SYNE1: variants seen among roughly 807,000 people sequenced by gnomAD.
SYNE1 encodes the protein spectrin repeat containing nuclear envelope protein 1, also known as nesprin-1.
SYNE1 carries 616 observed loss-of-function variants against 1,111.0 expected under a neutral mutation model. The ratio of observed to expected loss-of-function variants is 0.55; its 90% confidence interval spans 0.52 to 0.59. SYNE1 has a LOEUF of 0.59. Among genes scored for constraint, SYNE1 ranks in the 20% least tolerant of loss-of-function variants. The pLI, the probability that SYNE1 is intolerant of heterozygous loss-of-function variation, is 0.00. For missense variants in SYNE1, 10,006 were observed against 10,417.0 expected (o/e 0.96, Z 1.72); for synonymous variants, 3,855 against 3,825.8 (o/e 1.01, Z -0.28).
chr6:152,413,985 AATAT>A (rs3046241), intron 41 of SYNE1, among the ~76,000 whole-genome samples: 46,366 of 145,244 alleles, frequency 0.32, 8,279 homozygotes, highest in African/African-American at 0.49. Flanking sequence ...AGCTCTGCAG[AATAT>A]ATATATATAT....
intron 123 of SYNE1, among the ~76,000 whole-genome samples, chr6:152,212,379 T>C (rs1587926710): frequency 1.3e-5 from 2 of 152,208 alleles, no homozygotes; most frequent in East Asian, 1.9e-4. Flanking sequence ...TCTTGCGATA[T>C]GTAGTCTTTT....
At position 152,373,153 on chromosome 6, in the gene SYNE1, G is replaced by A. The variant is rs1387054153; in HGVS notation, c.9391C>T (p.Leu3131=). Residue 3131 remains leucine (L), a synonymous_variant, in exon 59 of 146, where the codon CTG becomes TTG. Transcript: ENST00000367255. ...LNMMLSKGEL[L]STLLTKEKAK... is the part of the protein sequence containing the mutation. ...TTCTCTTTGGTCAGCAGGGTACTCAGAAGTTCCCCTTTAGACAGCATCATG... is the reference window on the plus strand; with the variant it reads ...TTCTCTTTGGTCAGCAGGGTACTCAAAAGTTCCCCTTTAGACAGCATCATG... 1 of 1,614,030 alleles carries A rather than the reference G, an allele frequency of 6.2e-7. No homozygotes were observed.
At chr6:152,370,133 T>C (rs578139749) in intron 59 of SYNE1, among the ~76,000 whole-genome samples, 3 of 152,174 alleles carry the variant, frequency 2.0e-5, no homozygotes, top group South Asian at 2.1e-4. Flanking sequence ...AAATAGAATT[T>C]TTCCCCCCTA....
intron 120 of SYNE1, 106 bp downstream of exon 120, chr6:152,218,897 C>A (rs1245164239): frequency 8.2e-7 from 1 of 1,212,146 alleles, no homozygotes; most frequent in Non-Finnish European, 1.2e-6. Context: ...TTTCTTGAGT[C>A]TTGAAGGAGG....
intron 77 of SYNE1, 45 bp downstream of exon 77, chr6:152,333,963 T>C (rs1320718044): frequency 6.2e-7 from 1 of 1,613,690 alleles, no homozygotes; most frequent in South Asian, 1.1e-5. Context: ...TATTAAGAAA[T>C]GTCTGGCTTA....
chr6:152,244,668 C>G lies in SYNE1; in HGVS notation c.19573-12G>C, dbSNP rs200455883. 1.7e-4 allele frequency: 272 copies of G among 1,613,768 alleles called. 1 individual carries two copies. Among genetic ancestry groups the G allele is most frequent in the Admixed American group, 2.2e-4 (13 of 60,002 alleles). On this transcript the variant is annotated splice_polypyrimidine_tract_variant and intron_variant, in intron 105 of 145. Coordinates refer to ENST00000367255, the MANE Select transcript of SYNE1 (RefSeq NM_182961.4). ...GCCTGTTGTATTGCCTAAGTAAGAT[C>G]CATGACATTTTATTAAAACTCCCAT...
chr6:152,467,122 A>T (rs982626996), intron 16 of SYNE1, among the ~76,000 whole-genome samples: 1 of 152,100 alleles, frequency 6.6e-6, no homozygotes, highest in African/African-American at 2.4e-5. Flanking sequence ...ATTTCATATC[A>T]TTTTATGTTT....
chr6:152,334,226 T>C lies in SYNE1; in HGVS notation c.12576A>G (p.Ile4192Met). ...TTGTTAACTTATTCACCTTTTCTAT[T>C]ATGGTGTTCACGGATGCCTGTTTGC... ...LQSKQASVNT[I>M]IEKVNKLTKK... The change falls in exon 77 of 146, where the codon ATA becomes ATG. Residue 4192 changes from isoleucine (I) to methionine (M), a missense_variant. Ile to Met is a conservative substitution (Grantham distance 10, BLOSUM62 1). Coordinates refer to ENST00000367255, the MANE Select transcript of SYNE1 (RefSeq NM_182961.4). The C allele has an allele frequency of 6.2e-7, 1 of 1,614,082 alleles. No individual in the cohort carries two copies. Among genetic ancestry groups the C allele is most frequent in the South Asian group, 1.1e-5 (1 of 91,084 alleles).
chr6:152,397,498 C>T (rs1040480033), intron 49 of SYNE1, among the ~76,000 whole-genome samples: 2 of 152,186 alleles, frequency 1.3e-5, no homozygotes, highest in Admixed American at 6.6e-5. Flanking sequence ...GGTATGTCAC[C>T]TGTTACTCAG....
chr6:152,467,548 G>T (rs2098778225), intron 16 of SYNE1, among the ~76,000 whole-genome samples: 1 of 152,078 alleles, frequency 6.6e-6, no homozygotes, highest in Admixed American at 6.5e-5. Flanking sequence ...AAGTGTCAAA[G>T]AAATGGGAAA....
At chr6:152,168,180 C>G in intron 130 of SYNE1, 1 of 773,518 alleles carries the variant, frequency 1.3e-6, no homozygotes. Context: ...ATCCTCAGGG[C>G]ACTCAGGTCC....
At chr6:152,292,696 C>T (rs1419053280) in intron 95 of SYNE1, among the ~76,000 whole-genome samples, 1 of 152,108 alleles carries the variant, frequency 6.6e-6, no homozygotes, top group Non-Finnish European at 1.5e-5. Flanking sequence ...GTTAAGTTAC[C>T]CTGTGTTGAT....
intron 3 of SYNE1, among the ~76,000 whole-genome samples, chr6:152,604,072 T>C (rs1011540216): frequency 2.6e-5 from 4 of 151,452 alleles, no homozygotes; most frequent in African/African-American, 9.7e-5. Flanking sequence ...CATATATGTA[T>C]ATATGTTCTA....
At chr6:152,384,483 A>T (rs1033835548) in intron 55 of SYNE1, among the ~76,000 whole-genome samples, 5 of 152,288 alleles carry the variant, frequency 3.3e-5, no homozygotes, top group Non-Finnish European at 7.4e-5. Context: ...AATAACACAC[A>T]AAAAAAGGAC....
rs1327125596 is a variant in SYNE1 at position 152,239,605 on chromosome 6, C to T, written c.19995G>A (p.Glu6665=). 2 of 1,614,186 alleles carry T rather than the reference C, an allele frequency of 1.2e-6. No homozygotes were observed. The highest frequency in any genetic ancestry group is 1.7e-6 in the Non-Finnish European group (2 of 1,180,028). ...AVQKETQFHT[E]LMAQASAVLK... ...GTACAGCAGAAGCCTGAGCCATCAG[C>T]TCTGTATGGAACTGGGTTTCCTTTT... Residue 6665 remains glutamate (E), a synonymous_variant, in exon 108 of 146, where the codon GAG becomes GAA. Transcript: ENST00000367255.
chr6:152,355,104 C>A, intron 66 of SYNE1, 128 bp from the exon 67 acceptor site: 1 of 1,004,344 alleles, frequency 1.0e-6, no homozygotes, highest in South Asian at 1.4e-5. Flanking sequence ...TATTATTATG[C>A]CCTATACAAA....
intron 33 of SYNE1, chr6:152,435,132 G>A (rs149381658): frequency 3.9e-5 from 6 of 152,110 alleles, no homozygotes; most frequent in Non-Finnish European, 8.8e-5. Flanking sequence ...AATGTAAAAT[G>A]TTAATTTTAA....
chr6:152,194,011 GAAA>G (rs139484534), intron 127 of SYNE1, among the ~76,000 whole-genome samples: 5 of 134,188 alleles, frequency 3.7e-5, no homozygotes, highest in South Asian at 2.4e-4. Context: ...AGACTGTCTC[GAAA>G]AAAAAAAAAA....
At chr6:152,294,165 G>C (rs377695482) in intron 93 of SYNE1, 38 bp from the exon 94 acceptor site, 36 of 1,604,130 alleles carry the variant, frequency 2.2e-5, no homozygotes, top group Admixed American at 3.3e-5. Flanking sequence ...TAAACAAAAA[G>C]ACAAAGTCTA....
Sources: allele counts gnomAD v4.1 joint callset (sites outside exome capture counted in the v4.1 genomes callset), GRCh38; gene constraint gnomAD v4.1.1; transcripts MANE v1.5; gene names NCBI Gene and HGNC (gene_info 2026-07-23, HGNC 2026-07-21).